MPDZ: variants seen among roughly 807,000 people sequenced by gnomAD.
The protein encoded by MPDZ is multiple PDZ domain protein.
Under a neutral mutation model 239.1 loss-of-function variants are expected in MPDZ, and 234 were observed. The ratio of observed to expected loss-of-function variants is 0.98; its 90% CI spans 0.88 to 1.09. The LOEUF (loss-of-function observed/expected upper bound fraction) is 1.09, where lower values mean the gene tolerates loss of function less well. MPDZ is among the 50% of genes least tolerant of loss of function. The probability of loss-of-function intolerance (pLI) is 0.00; values close to 1 mark genes in which losing one functional copy is unlikely to be tolerated. For synonymous variants in MPDZ, 1,048 were observed against 881.3 expected (o/e 1.19, Z -3.35); for missense variants, 3,175 against 2,510.0 (o/e 1.26, Z -5.66).
intron 26 of MPDZ, among the ~76,000 whole-genome samples, chr9:13,146,007 C>T (rs1453464680): frequency 1.3e-5 from 2 of 152,066 alleles, no homozygotes; most frequent in East Asian, 1.9e-4. Flanking sequence ...TATGCTGTGT[C>T]TATGTTTAAC....
intron 1 of MPDZ, among the ~76,000 whole-genome samples, chr9:13,252,846 TA>T (rs1156243763): frequency 6.6e-6 from 1 of 151,614 alleles, no homozygotes; most frequent in South Asian, 2.1e-4. Context: ...ATGATAGCAA[TA>T]AAAAAAAGCA....
At chr9:13,259,522 A>G (rs769062195) in intron 1 of MPDZ, among the ~76,000 whole-genome samples, 4 of 152,184 alleles carry the variant, frequency 2.6e-5, no homozygotes, top group Non-Finnish European at 4.4e-5. Context: ...TGAAAGGAAA[A>G]GAAATGAACA....
At chr9:13,226,148 A>C (rs1161776582) in intron 3 of MPDZ, among the ~76,000 whole-genome samples, 1 of 152,106 alleles carries the variant, frequency 6.6e-6, no homozygotes, top group Non-Finnish European at 1.5e-5. Flanking sequence ...GTGGGGCAGC[A>C]CTGGCAGTCT....
chr9:13,142,870 A>G (rs2132596621), intron 27 of MPDZ, among the ~76,000 whole-genome samples: 1 of 152,210 alleles, frequency 6.6e-6, no homozygotes, highest in Admixed American at 6.6e-5. Flanking sequence ...TATGGTATAT[A>G]AATTCTTATA....
At chr9:13,136,964 T>C (rs1587117207) in intron 29 of MPDZ, among the ~76,000 whole-genome samples, 161 bp from the exon 30 acceptor site, 1 of 152,134 alleles carries the variant, frequency 6.6e-6, no homozygotes, top group African/African-American at 2.4e-5. Context: ...TGACTTTTCA[T>C]GGTGAATAAA....
chr9:13,231,156 G>C (rs1962314623), intron 3 of MPDZ, among the ~76,000 whole-genome samples: 1 of 151,704 alleles, frequency 6.6e-6, no homozygotes, highest in Admixed American at 6.6e-5. Context: ...TTCCAGCATT[G>C]GGAATAAAAA....
At chr9:13,204,886 C>T (rs1956819760) in intron 12 of MPDZ, 150 bp downstream of exon 12, 1 of 450,606 alleles carries the variant, frequency 2.2e-6, no homozygotes, top group Non-Finnish European at 3.8e-6. Context: ...CACTTAGTCA[C>T]ATTTATAAAC....
At chr9:13,114,136 G>T (rs1024069952) in intron 40 of MPDZ, 115 bp from the exon 41 acceptor site, 1 of 801,708 alleles carries the variant, frequency 1.2e-6, no homozygotes, top group Non-Finnish European at 2.0e-6. Context: ...AGTGGCATTT[G>T]ATAATTTGAT....
At chr9:13,206,610 C>A (rs1246204513) in intron 10 of MPDZ, among the ~76,000 whole-genome samples, 3 of 151,078 alleles carry the variant, frequency 2.0e-5, no homozygotes. Flanking sequence ...GTGGTGCGAT[C>A]TCGGCTCATT....
At chr9:13,200,683 A>C (rs976601078) in intron 12 of MPDZ, among the ~76,000 whole-genome samples, 5 of 151,944 alleles carry the variant, frequency 3.3e-5, no homozygotes, top group Non-Finnish European at 5.9e-5. Context: ...CACTGTTCAG[A>C]AGCATAGTAT....
chr9:13,250,509 C>G (rs2138007038), intron 1 of MPDZ, 137 bp from the exon 2 acceptor site: 2 of 489,968 alleles, frequency 4.1e-6, no homozygotes, highest in East Asian at 3.1e-5. Context: ...AGATAGTTCG[C>G]TTTACAGACA....
chr9:13,268,118 T>C (rs1163596544), intron 1 of MPDZ, among the ~76,000 whole-genome samples: 3 of 151,678 alleles, frequency 2.0e-5, no homozygotes, highest in Non-Finnish European at 4.4e-5. Flanking sequence ...ATTAATCATG[T>C]TTCAATTTTA....
At chr9:13,260,262 T>C (rs897221740) in intron 1 of MPDZ, among the ~76,000 whole-genome samples, 1 of 151,976 alleles carries the variant, frequency 6.6e-6, no homozygotes, top group Admixed American at 6.6e-5. Flanking sequence ...AGAAGCCAGG[T>C]AAGAGGCATT....
chr9:13,223,524 T>C (rs1959482268), intron 5 of MPDZ, 47 bp downstream of exon 5: 2 of 1,554,424 alleles, frequency 1.3e-6, no homozygotes, highest in South Asian at 1.3e-5. Context: ...AACCAAAACC[T>C]TCAGAATGTG....
chr9:13,147,740 C>T, intron 25 of MPDZ, 82 bp from the exon 26 acceptor site: 1 of 941,202 alleles, frequency 1.1e-6, no homozygotes, highest in South Asian at 1.5e-5. Context: ...TTTAGGGATA[C>T]TTGGTTAGAC....
At position 13,168,354 on chromosome 9, in the gene MPDZ, A is replaced by G. The variant is rs778325488; in HGVS notation, c.3254+12T>C. On this transcript the variant is annotated intron_variant, in intron 22 of 46. Coordinates refer to ENST00000319217, the MANE Select transcript of MPDZ (RefSeq NM_001378778.1). ...ATTTCCCAAGTTAAACTGGGCTTCA[A>G]ATGATACTTACTTTATGTCAGGGCC... The G allele has an allele frequency of 5.6e-6, 9 of 1,608,128 alleles. No homozygotes were observed. The South Asian group carries it at 8.9e-5, about 16-fold the overall frequency.
chr9:13,178,583 T>C (rs1952830626), intron 19 of MPDZ, among the ~76,000 whole-genome samples: 1 of 152,206 alleles, frequency 6.6e-6, no homozygotes, highest in Non-Finnish European at 1.5e-5. Flanking sequence ...TTAAAGTTCC[T>C]ATTTATGAAG....
At chr9:13,164,067 T>C (rs925404938) in intron 22 of MPDZ, among the ~76,000 whole-genome samples, 2 of 152,092 alleles carry the variant, frequency 1.3e-5, no homozygotes, top group African/African-American at 4.8e-5. Flanking sequence ...AGGAGCACAA[T>C]CCAAATAGAA....
At chr9:13,177,065 T>A (rs1359796827) in intron 19 of MPDZ, among the ~76,000 whole-genome samples, 4 of 152,172 alleles carry the variant, frequency 2.6e-5, no homozygotes, top group Non-Finnish European at 5.9e-5. Flanking sequence ...AATTTGTATA[T>A]CACAGAACCT....
Sources: gnomAD v4.1 joint callset for allele counts (sites outside exome capture counted in the v4.1 genomes callset) on GRCh38, gnomAD v4.1.1 for gene constraint, MANE v1.5 for transcripts, NCBI Gene and HGNC (gene_info 2026-07-23, HGNC 2026-07-21) for gene names.